SMAP1: variants seen among roughly 807,000 people sequenced by gnomAD.
SMAP1 encodes small ArfGAP 1.
SMAP1 carries 24 observed loss-of-function variants against 58.5 expected under a neutral mutation model. That is an observed-to-expected ratio of 0.41 (90% CI 0.30 to 0.58). The LOEUF is 0.58. SMAP1 is among the 20% of genes least tolerant of loss of function. The pLI, the probability that SMAP1 is intolerant of heterozygous loss-of-function variation, is 0.29. For missense variants in SMAP1, 563 were observed against 566.3 expected, an observed-to-expected ratio of 0.99 and a Z score of 0.06; for synonymous variants, 216 against 196.6, an observed-to-expected ratio of 1.10 and a Z score of -0.82.
At chr6:70,758,698 A>C (rs1479586280) in intron 3 of SMAP1, among the ~76,000 whole-genome samples, 1 of 152,044 alleles carries the variant, frequency 6.6e-6, no homozygotes, top group Non-Finnish European at 1.5e-5. Context: ...AATCTAAGTT[A>C]GATAGTGGCA....
At chr6:70,796,415 C>A (rs1196222139) in intron 5 of SMAP1, among the ~76,000 whole-genome samples, 1 of 152,120 alleles carries the variant, frequency 6.6e-6, no homozygotes, top group Non-Finnish European at 1.5e-5. Context: ...GATTTTGTTT[C>A]TTCATTTGTA....
chr6:70,731,955 G>A (rs1323595484), intron 1 of SMAP1, among the ~76,000 whole-genome samples: 1 of 152,016 alleles, frequency 6.6e-6, no homozygotes, highest in African/African-American at 2.4e-5. Context: ...TGGGCTGGTT[G>A]TCTTTTTCTT....
At chr6:70,810,119 A>C (rs1457009992) in intron 6 of SMAP1, among the ~76,000 whole-genome samples, 1 of 152,192 alleles carries the variant, frequency 6.6e-6, no homozygotes, top group African/African-American at 2.4e-5. Flanking sequence ...AGGGTTTCTT[A>C]TTCTTTAACC....
chr6:70,729,752 C>G (rs1372781145), intron 1 of SMAP1, among the ~76,000 whole-genome samples: 2 of 152,102 alleles, frequency 1.3e-5, no homozygotes, highest in Non-Finnish European at 2.9e-5. Context: ...CGTTTCCATT[C>G]TTACTGCTGC....
intron 4 of SMAP1, among the ~76,000 whole-genome samples, chr6:70,786,793 C>A: frequency 6.6e-6 from 1 of 151,902 alleles, no homozygotes; most frequent in South Asian, 2.1e-4. Context: ...CACTGCTCAA[C>A]AAAATAAAAG....
At chr6:70,701,471 C>G (rs968778618) in intron 1 of SMAP1, among the ~76,000 whole-genome samples, 1 of 152,160 alleles carries the variant, frequency 6.6e-6, no homozygotes, top group Non-Finnish European at 1.5e-5. Flanking sequence ...GACTGCCTTT[C>G]AAGTTTATTT....
intron 6 of SMAP1, among the ~76,000 whole-genome samples, chr6:70,799,722 T>C (rs892814547): frequency 2.0e-5 from 3 of 152,224 alleles, no homozygotes; most frequent in Non-Finnish European, 4.4e-5. Flanking sequence ...TTAACTATTC[T>C]AAATAATGCT....
chr6:70,728,682 T>G (rs1765287837), intron 1 of SMAP1, among the ~76,000 whole-genome samples: 1 of 152,240 alleles, frequency 6.6e-6, no homozygotes, highest in Admixed American at 6.5e-5. Flanking sequence ...CTGTGTCACA[T>G]GCTGTTATGA....
Position 70,821,583 on chromosome 6 carries a change from G to A in SMAP1, c.577-15358G>A, listed in dbSNP as rs573118602. ...AGCCTGAAAAAATATTGACTACTAC[G>A]TGAAGAAAGCTCTTTCAGCCAAGAT... is the stretch of plus-strand genomic sequence containing the variant. On this transcript the variant is annotated intron_variant, in intron 6 of 10. Coordinates refer to ENST00000370455, the MANE Select transcript of SMAP1 (RefSeq NM_001044305.3). 4.1e-4 allele frequency among the ~76,000 whole-genome samples: 63 copies of A among 152,184 alleles called. No homozygotes were observed. In the South Asian group the frequency reaches 0.011, roughly 26 times the overall value.
intron 7 of SMAP1, among the ~76,000 whole-genome samples, chr6:70,842,339 T>C (rs2474921): frequency 0.33 from 50,689 of 152,076 alleles, 9,470 homozygotes; most frequent in Non-Finnish European, 0.41. Context: ...TCACACTGCA[T>C]AGGAAAGAAA....
intron 1 of SMAP1, among the ~76,000 whole-genome samples, chr6:70,724,742 A>G (rs1375573478): frequency 2.0e-5 from 3 of 152,190 alleles, no homozygotes; most frequent in African/African-American, 4.8e-5. Flanking sequence ...TTACAGGAAA[A>G]CATGAACGTG....
intron 1 of SMAP1, chr6:70,694,728 T>C (rs1346077452): frequency 6.6e-6 from 1 of 152,234 alleles, no homozygotes; most frequent in Non-Finnish European, 1.5e-5. Context: ...ATAATTTTTG[T>C]TGGAAACCTG....
At position 70,761,190 on chromosome 6, in the gene SMAP1, A is replaced by G. The variant is rs190506913; in HGVS notation, c.338+6125A>G. Among the ~76,000 whole-genome samples, 460 of 152,184 alleles carry G rather than the reference A, an allele frequency of 3.0e-3. 3 individuals carry two copies. The highest frequency in any genetic ancestry group is 0.01 in the African/African-American group (428 of 41,552). Reference sequence around the variant, plus strand: ...AGATACATGTTAAAAGATAAAGCGTATAATAATGTTGAAATTTTTGTAGGC... The same window carrying G: ...AGATACATGTTAAAAGATAAAGCGTGTAATAATGTTGAAATTTTTGTAGGC... On this transcript the variant is annotated intron_variant, in intron 3 of 10. Transcript: ENST00000370455.
At chr6:70,694,960 C>T (rs1016556439) in intron 1 of SMAP1, among the ~76,000 whole-genome samples, 5 of 152,074 alleles carry the variant, frequency 3.3e-5, no homozygotes, top group Admixed American at 1.3e-4. Flanking sequence ...TTTTTTTGTG[C>T]GTCTTTTTCA....
intron 6 of SMAP1, among the ~76,000 whole-genome samples, chr6:70,807,781 T>C (rs1294521918): frequency 1.3e-5 from 2 of 152,262 alleles, no homozygotes; most frequent in African/African-American, 4.8e-5. Context: ...CAACATGTTA[T>C]ATATACAGGT....
chr6:70,766,702 T>G (rs1324460704), intron 3 of SMAP1, among the ~76,000 whole-genome samples: 2 of 152,208 alleles, frequency 1.3e-5, no homozygotes, highest in South Asian at 2.1e-4. Context: ...AGGTTGCCTG[T>G]TCACTCTGAT....
At chr6:70,768,320 G>T (rs986220738) in intron 3 of SMAP1, among the ~76,000 whole-genome samples, 3 of 152,158 alleles carry the variant, frequency 2.0e-5, no homozygotes, top group Non-Finnish European at 4.4e-5. Flanking sequence ...GTTTCAGAAG[G>T]AATGGTGCCA....
At position 70,820,706 on chromosome 6, in the gene SMAP1, GA is replaced by G. The variant is rs766717489; in HGVS notation, c.577-16221del. ...GGGCTAAGAGTGAGACTCCATCTCG[GA>G]AAAAAAAAAAAAAGAAAACTTTATT... On this transcript the variant is annotated intron_variant, in intron 6 of 10. Transcript: ENST00000370455. 7.4e-3 allele frequency among the ~76,000 whole-genome samples: 979 copies of G among 133,090 alleles called. 3 individuals carry two copies. Among genetic ancestry groups the G allele is most frequent in the African/African-American group, 0.021 (777 of 36,486 alleles). 87.3% of individuals were successfully genotyped at this position (133,090 alleles called of 152,430 possible).
At chr6:70,815,145 A>G (rs1453443222) in intron 6 of SMAP1, among the ~76,000 whole-genome samples, 1 of 152,198 alleles carries the variant, frequency 6.6e-6, no homozygotes, top group East Asian at 1.9e-4. Context: ...GATTAAATAA[A>G]TATGTTCCTT....
Sources: gnomAD v4.1 joint callset for allele counts (sites outside exome capture counted in the v4.1 genomes callset) on GRCh38, gnomAD v4.1.1 for gene constraint, MANE v1.5 for transcripts, NCBI Gene and HGNC (gene_info 2026-07-23, HGNC 2026-07-21) for gene names.